NPTX1: variants seen among roughly 807,000 people sequenced by gnomAD.
The protein encoded by NPTX1 is neuronal pentraxin-1.
NPTX1 carries 12 observed loss-of-function variants against 38.7 expected under a neutral mutation model. That is an observed-to-expected ratio of 0.31 (90% CI 0.20 to 0.50). NPTX1 has a LOEUF of 0.50. NPTX1 is among the 20% of genes least tolerant of loss of function. NPTX1 has a pLI of 0.98. For missense variants in NPTX1, 454 were observed against 592.2 expected (o/e 0.77, Z 2.42); for synonymous variants, 272 against 264.9 (o/e 1.03, Z -0.26).
Position 80,476,385 on chromosome 17 carries a change from C to T in NPTX1, c.62G>A (p.Gly21Glu). ...GCGCGTCGGCCCGAAATCCTGGGCC[C>T]CGGCGCCCAGGAGGCAGAGGGCGAG... ...ALLALCLLGA[G>E]AQDFGPTRFI... Residue 21 changes from glycine to glutamate, a missense_variant, in exon 1 of 5, where the codon GGG (glycine) becomes GAG (glutamate). Gly to Glu is a moderately conservative substitution (Grantham distance 98, BLOSUM62 -2). This residue lies in a region of NPTX1 where 288 missense variants were observed against 318.4 expected (regional missense o/e 0.90). Coordinates refer to ENST00000306773, the MANE Select transcript of NPTX1 (RefSeq NM_002522.4). This position sits in a 1 kb window ranked among gnomAD's most constrained non-coding sequence, Gnocchi z 6.3. 6.6e-7 allele frequency: 1 copy of T among 1,516,068 alleles called. No individual in the cohort carries two copies. The highest frequency in any genetic ancestry group is 2.1e-5 in the Admixed American group (1 of 48,760). 93.9% of individuals were successfully genotyped at this position (1,516,068 alleles called of 1,614,324 possible).
At position 80,473,211 on chromosome 17, in the gene NPTX1, T is replaced by G. The variant is rs1860039490; in HGVS notation, c.886A>C (p.Ile296Leu). 6.2e-7 allele frequency: 1 copy of G among 1,613,138 alleles called. No homozygotes were observed. Residue 296 changes from isoleucine to leucine, a missense_variant, in exon 3 of 5, where the codon ATC becomes CTC. Around this residue, in one of 4 missense-constraint regions of NPTX1, gnomAD observed 110 missense variants for 197.5 expected, o/e 0.56. Coordinates refer to ENST00000306773, the MANE Select transcript of NPTX1 (RefSeq NM_002522.4). ...GGGGGCTGCTCTACCTTGTCATTGA[T>G]GAGGATCTCCATGGGGTTGTTGCCC... ...EWGNNPMEIL[I>L]NDKVAKLPFV...
At position 80,476,469 on chromosome 17, in the gene NPTX1, G is replaced by A; in HGVS notation, c.-23C>T. The A allele has an allele frequency of 1.7e-6, 2 of 1,196,474 alleles. No homozygotes were observed. The highest frequency in any genetic ancestry group is 2.1e-6 in the Non-Finnish European group (2 of 967,734). The allele number at this position is 1,196,474 out of a possible 1,614,324, so 74.1% of individuals were successfully genotyped here. A position where few individuals can be genotyped will look rare whatever the true frequency, so the allele number is the denominator to read the frequency against. On this transcript the variant is annotated 5_prime_UTR_variant, in exon 1 of 5. Coordinates refer to ENST00000306773, the MANE Select transcript of NPTX1 (RefSeq NM_002522.4). This position sits in a 1 kb window ranked among gnomAD's most constrained non-coding sequence, Gnocchi z 6.3. ...CATGGCTGCGGGCACCGGGCGCTCC[G>A]GGCCCGGCTCGGCTCGGCTGGGGCT...
At position 80,476,128 on chromosome 17, in the gene NPTX1, C is replaced by T. The variant is rs774981167; in HGVS notation, c.319G>A (p.Gly107Ser). 1.9e-6 allele frequency: 3 copies of T among 1,598,326 alleles called. No individual in the cohort carries two copies. The Admixed American group carries it at 5.1e-5, about 27-fold the overall frequency. Reference protein sequence around the residue: ...PGAGEARAGGGRKQPGSGKNT... With the variant: ...PGAGEARAGGSRKQPGSGKNT... ...TTGCCCGAGCCGGGCTGCTTGCGGCCGCCGCCCGCCCGGGCCTCGCCGGCT... is the reference window on the plus strand; with the variant it reads ...TTGCCCGAGCCGGGCTGCTTGCGGCTGCCGCCCGCCCGGGCCTCGCCGGCT... Residue 107 changes from glycine (G) to serine (S), a missense_variant, in exon 1 of 5, where the codon GGC becomes AGC. This residue lies in a region of NPTX1 where 288 missense variants were observed against 318.4 expected (regional missense o/e 0.90). Transcript: ENST00000306773. The surrounding 1 kb of genome is among the most constrained non-coding windows in gnomAD (Gnocchi z 6.3).
At position 80,476,139 on chromosome 17, in the gene NPTX1, C is replaced by A; in HGVS notation, c.308G>T (p.Arg103Leu). 2 of 1,596,084 alleles carry A rather than the reference C, an allele frequency of 1.3e-6. No individual in the cohort carries two copies. The highest frequency in any genetic ancestry group is 1.7e-6 in the Non-Finnish European group (2 of 1,175,742). ...STLDPGAGEA[R>L]AGGGRKQPGS... Reference sequence around the variant, plus strand: ...GGGCTGCTTGCGGCCGCCGCCCGCCCGGGCCTCGCCGGCTCCGGGGTCCAG... The same window carrying A: ...GGGCTGCTTGCGGCCGCCGCCCGCCAGGGCCTCGCCGGCTCCGGGGTCCAG... The change falls in exon 1 of 5, where the codon CGG (arginine) becomes CTG (leucine). Residue 103 changes from arginine to leucine, a missense_variant. By Grantham distance (102) the Arg-to-Leu change is moderately radical (BLOSUM62 -2). This residue lies in a region of NPTX1 where 288 missense variants were observed against 318.4 expected (regional missense o/e 0.90). Transcript: ENST00000306773. The surrounding 1 kb of genome is among the most constrained non-coding windows in gnomAD (Gnocchi z 6.3).
At position 80,475,111 on chromosome 17, in the gene NPTX1, G is replaced by A. The variant is rs948053732; in HGVS notation, c.652+400C>T. Among the ~76,000 whole-genome samples the A allele has an allele frequency of 6.6e-6, 1 of 152,210 alleles. No homozygotes were observed. Among genetic ancestry groups the A allele is most frequent in the African/African-American group, 2.4e-5 (1 of 41,452 alleles). The stretch of plus-strand genomic sequence containing the variant: ...AGCGCCCAGCCCCAGCCTGCACCCA[G>A]CTGTACGCTGAGGCTGGGGACCAGG... On this transcript the variant is annotated intron_variant, in intron 2 of 4. Transcript: ENST00000306773. This position sits in a 1 kb window ranked among gnomAD's most constrained non-coding sequence, Gnocchi z 6.5.
chr17:80,476,351 G>A lies in NPTX1; in HGVS notation c.96C>T (p.Cys32=). Reference sequence around the variant, plus strand: ...TGTCGGCGTCCACGGGCACCGAGGTGCAGATGAAGCGCGTCGGCCCGAAAT... The same window carrying A: ...TGTCGGCGTCCACGGGCACCGAGGTACAGATGAAGCGCGTCGGCCCGAAAT... ...AQDFGPTRFI[C]TSVPVDADMC... is the part of the protein sequence containing the mutation. The change falls in exon 1 of 5, where the codon TGC becomes TGT. Residue 32 remains cysteine (C), a synonymous_variant. Transcript: ENST00000306773. This position sits in a 1 kb window ranked among gnomAD's most constrained non-coding sequence, Gnocchi z 6.3. 6.5e-7 allele frequency: 1 copy of A among 1,533,118 alleles called. No homozygotes were observed. The highest frequency in any genetic ancestry group is 1.2e-5 in the South Asian group (1 of 83,384). 95.0% of individuals were successfully genotyped at this position (1,533,118 alleles called of 1,614,324 possible).
rs903080130 is a variant in NPTX1 at position 80,469,182 on chromosome 17, A to C, written c.*1631T>G. 2 of 152,548 alleles carry C rather than the reference A, an allele frequency of 1.3e-5. No individual in the cohort carries two copies. Among genetic ancestry groups the C allele is most frequent in the Admixed American group, 6.5e-5 (1 of 15,292 alleles). The allele number at this position is 152,548 out of a possible 1,614,324, so 9.4% of individuals were successfully genotyped here. A position where few individuals can be genotyped will look rare whatever the true frequency, so the allele number is the denominator to read the frequency against. ...CAGAAACACCTGCTCCTCCTGCAGA[A>C]ATGTCTGCAGCTGCAGCTGAGCCAG... On this transcript the variant is annotated 3_prime_UTR_variant, in exon 5 of 5. Transcript: ENST00000306773.
Position 80,467,064 on chromosome 17 carries a change from A to T in NPTX1, c.*3749T>A, listed in dbSNP as rs1045699670. On this transcript the variant is annotated 3_prime_UTR_variant, in exon 5 of 5. Coordinates refer to ENST00000306773, the MANE Select transcript of NPTX1 (RefSeq NM_002522.4). Reference sequence around the variant, plus strand: ...AGCAAATAATGAAAAAGTGAGATACATCGATTCTCTTTCATATTATACAGT... The same window carrying T: ...AGCAAATAATGAAAAAGTGAGATACTTCGATTCTCTTTCATATTATACAGT... 4 of 151,116 alleles carry T rather than the reference A, an allele frequency of 2.6e-5. No homozygotes were observed. Among genetic ancestry groups the T allele is most frequent in the Non-Finnish European group, 4.4e-5 (3 of 67,920 alleles). The allele number at this position is 151,116 out of a possible 1,614,324, so 9.4% of individuals were successfully genotyped here.
At chr17:80,472,023 A>G in intron 3 of NPTX1, 112 bp from the exon 4 acceptor site, 1 of 1,009,398 alleles carries the variant, frequency 9.9e-7, no homozygotes, top group Non-Finnish European at 1.4e-6. Flanking sequence ...AAATGTCAAT[A>G]ACTATTACTG....
intron 2 of NPTX1, chr17:80,474,676 C>T (rs1045265823): frequency 6.6e-6 from 1 of 152,468 alleles, no homozygotes; most frequent in African/African-American, 2.4e-5. Context: ...CTCCCTCCCT[C>T]CTGAGGTCCT....
In NPTX1 at chr17:80,470,802, G is replaced by A; in HGVS notation, c.*11C>T. 1 of 1,564,542 alleles carries A rather than the reference G, an allele frequency of 6.4e-7. No homozygotes were observed. On this transcript the variant is annotated 3_prime_UTR_variant, in exon 5 of 5. Transcript: ENST00000306773. Reference sequence around the variant, plus strand: ...GGCGAGGGCGGGCGGGCTCAGCCTGGCCTGCCGTGCTCAGTTGATCTGGCG... The same window carrying A: ...GGCGAGGGCGGGCGGGCTCAGCCTGACCTGCCGTGCTCAGTTGATCTGGCG...
chr17:80,467,164 T>C lies in NPTX1; in HGVS notation c.*3649A>G, dbSNP rs2083810457. 1 of 64,794 alleles carries C rather than the reference T, an allele frequency of 1.5e-5. No homozygotes were observed. The highest frequency in any genetic ancestry group is 2.3e-4 in the Admixed American group (1 of 4,394). The allele number at this position is 64,794 out of a possible 1,614,324, so 4.0% of individuals were successfully genotyped here. ...TTTTTTTTTGGCAAATGAGACAAAATTGGGACTCTAAGTATTGGGCTTTTT... is the reference window on the plus strand; with the variant it reads ...TTTTTTTTTGGCAAATGAGACAAAACTGGGACTCTAAGTATTGGGCTTTTT... On this transcript the variant is annotated 3_prime_UTR_variant, in exon 5 of 5. Transcript: ENST00000306773.
At chr17:80,473,773 A>T (rs1289965349) in intron 2 of NPTX1, 2 of 342,786 alleles carry the variant, frequency 5.8e-6, no homozygotes, top group African/African-American at 4.2e-5. Flanking sequence ...ATGAGAAGGG[A>T]ATGGGGACAG....
chr17:80,475,593 G>T lies in NPTX1; in HGVS notation c.570C>A (p.Gly190=), dbSNP rs539012623. ...RVNTLEEGKG[G]PRNDTEERVK... ...CCCTCTCCTCGGTGTCGTTCCTGGGGCCCCCCTTGCCCTCCTCCAGGGTGT... is the reference window on the plus strand; with the variant it reads ...CCCTCTCCTCGGTGTCGTTCCTGGGTCCCCCCTTGCCCTCCTCCAGGGTGT... The change falls in exon 2 of 5, where the codon GGC becomes GGA. Residue 190 remains glycine (G), a synonymous_variant. Coordinates refer to ENST00000306773, the MANE Select transcript of NPTX1 (RefSeq NM_002522.4). This position sits in a 1 kb window ranked among gnomAD's most constrained non-coding sequence, Gnocchi z 6.5. 2 of 1,612,580 alleles carry T rather than the reference G, an allele frequency of 1.2e-6. No homozygotes were observed. The highest frequency in any genetic ancestry group is 1.7e-6 in the Non-Finnish European group (2 of 1,179,756).
intron 2 of NPTX1, chr17:80,473,715 G>A: frequency 2.0e-6 from 1 of 489,516 alleles, no homozygotes; most frequent in Non-Finnish European, 3.7e-6. Flanking sequence ...GGGGGTGGGG[G>A]GCAGTGCCTG....
At position 80,468,257 on chromosome 17, in the gene NPTX1, C is replaced by G. The variant is rs1029524093; in HGVS notation, c.*2556G>C. ...AGGGAGCTAAAGGTCAGCTTCGGCC[C>G]TGGCACCATGGGTGGGTCAGAGGAG... is the stretch of plus-strand genomic sequence containing the variant. On this transcript the variant is annotated 3_prime_UTR_variant, in exon 5 of 5. Coordinates refer to ENST00000306773, the MANE Select transcript of NPTX1 (RefSeq NM_002522.4). 7 of 153,110 alleles carry G rather than the reference C, an allele frequency of 4.6e-5. No individual in the cohort carries two copies. The highest frequency in any genetic ancestry group is 1.7e-4 in the African/African-American group (7 of 41,474). 9.5% of individuals were successfully genotyped at this position (153,110 alleles called of 1,614,324 possible).
At chr17:80,474,315 C>G (rs2083861131) in intron 2 of NPTX1, 1 of 152,268 alleles carries the variant, frequency 6.6e-6, no homozygotes, top group Non-Finnish European at 1.5e-5. Flanking sequence ...TATGGTGTGA[C>G]TGACTCCAGG....
chr17:80,475,750 C>T lies in NPTX1; in HGVS notation c.445-32G>A, dbSNP rs763586721. ...GGTGCAAGGGCGGGGGAAACCACAC[C>T]GTTAGGCGAGGCGCGGGGACCGTGC... On this transcript the variant is annotated intron_variant, in intron 1 of 4. Transcript: ENST00000306773. The surrounding 1 kb of genome is among the most constrained non-coding windows in gnomAD (Gnocchi z 6.5). 1.3e-6 allele frequency: 2 copies of T among 1,534,086 alleles called. No homozygotes were observed. Among genetic ancestry groups the T allele is most frequent in the Admixed American group, 1.7e-5 (1 of 59,364 alleles).
Position 80,466,926 on chromosome 17 carries a change from A to C in NPTX1, c.*3887T>G, listed in dbSNP as rs1208178952. Among the ~76,000 whole-genome samples, 1 of 150,892 alleles carries C rather than the reference A, an allele frequency of 6.6e-6. No individual in the cohort carries two copies. The highest frequency in any genetic ancestry group is 1.5e-5 in the Non-Finnish European group (1 of 67,748). ...AAAAAAAAAAAAAAGCAAGAATACC[A>C]GTAGAAATAGTGCATTTCCAGAATT... On this transcript the variant is annotated 3_prime_UTR_variant, in exon 5 of 5. Transcript: ENST00000306773.
Sources: allele counts gnomAD v4.1 joint callset (sites outside exome capture counted in the v4.1 genomes callset), GRCh38; gene constraint gnomAD v4.1.1; regional missense constraint gnomAD v4.1.1; non-coding constraint Gnocchi (gnomAD v3.1); transcripts MANE v1.5; gene names NCBI Gene and HGNC (gene_info 2026-07-23, HGNC 2026-07-21).